ASB18: variants seen among roughly 807,000 people sequenced by gnomAD.
ASB18 encodes the protein ankyrin repeat and SOCS box containing 18, also known as ankyrin repeat and SOCS box protein 18.
ASB18 carries 33 observed loss-of-function variants against 33.4 expected under a neutral mutation model. That is an observed-to-expected ratio of 0.99 (90% CI 0.75 to 1.32). The LOEUF (loss-of-function observed/expected upper bound fraction) is 1.32. ASB18 is among the 40% of genes most tolerant of loss of function. The probability of loss-of-function intolerance (pLI) is 0.00; values close to 1 mark genes in which losing one functional copy is unlikely to be tolerated. For synonymous variants in ASB18, 295 were observed against 307.6 expected, an observed-to-expected ratio of 0.96 and a Z score of 0.43; for missense variants, 694 against 655.5, an observed-to-expected ratio of 1.06 and a Z score of -0.64.
At chr2:236,232,320 T>G (rs1414303071) in intron 3 of ASB18, among the ~76,000 whole-genome samples, 1 of 150,356 alleles carries the variant, frequency 6.7e-6, no homozygotes. Flanking sequence ...AAAACACATA[T>G]TAAAATTTGT....
rs186864417 is a variant in ASB18 at position 236,211,918 on chromosome 2, T to A, written c.1101+2444A>T. On this transcript the variant is annotated intron_variant, in intron 4 of 5. Coordinates refer to ENST00000409749, the MANE Select transcript of ASB18 (RefSeq NM_212556.4). The surrounding 1 kb of genome is among the most constrained non-coding windows in gnomAD (Gnocchi z 5.0). ...GGAATCCCAGTGCAAAAAGGTGGAATCCTTATTTCCAAAGATTTAATGCAG... is the reference window on the plus strand; with the variant it reads ...GGAATCCCAGTGCAAAAAGGTGGAAACCTTATTTCCAAAGATTTAATGCAG... Among the ~76,000 whole-genome samples the A allele has an allele frequency of 6.6e-4, 100 of 152,274 alleles. No homozygotes were observed. Among genetic ancestry groups the A allele is most frequent in the Non-Finnish European group, 4.4e-5 (3 of 68,024 alleles).
In ASB18 at chr2:236,214,393, G is replaced by A. The variant is rs748848119; in HGVS notation, c.1070C>T (p.Ser357Phe). ...GAAGGCGTCGGGCCACACGGTGGGA[G>A]AGCCGTGGTTGAGCAGCGCCTGCAC... is the stretch of plus-strand genomic sequence containing the variant. ...RTVQALLNHG[S>F]PTVWPDAFPK... The change falls in exon 4 of 6, where the codon TCT becomes TTT. Residue 357 changes from serine (S) to phenylalanine (F), a missense_variant. By Grantham distance (155) the Ser-to-Phe change is radical. Transcript: ENST00000409749. This position sits in a 1 kb window ranked among gnomAD's most constrained non-coding sequence, Gnocchi z 6.5. 5.1e-6 allele frequency: 8 copies of A among 1,576,896 alleles called. No homozygotes were observed. The Admixed American group carries it at 5.4e-5, about 11-fold the overall frequency.
chr2:236,259,407 A>T lies in ASB18; in HGVS notation c.205+4734T>A. On this transcript the variant is annotated intron_variant, in intron 1 of 5. Transcript: ENST00000409749. The surrounding 1 kb of genome is among the most constrained non-coding windows in gnomAD (Gnocchi z 4.4). ...AGGTTCTGGCCCTAGAAGAGGTGGCATTCAGGTTTGAATTATCCAGTTGGT... is the reference window on the plus strand; with the variant it reads ...AGGTTCTGGCCCTAGAAGAGGTGGCTTTCAGGTTTGAATTATCCAGTTGGT... 7.1e-6 allele frequency: 3 copies of T among 420,784 alleles called. No homozygotes were observed. Among genetic ancestry groups the T allele is most frequent in the Non-Finnish European group, 1.5e-5 (3 of 198,956 alleles). 26.1% of individuals were successfully genotyped at this position (420,784 alleles called of 1,614,324 possible). A position where few individuals can be genotyped will look rare whatever the true frequency, so the allele number is the denominator to read the frequency against.
chr2:236,237,975 G>T lies in ASB18; in HGVS notation c.329-19C>A. The stretch of plus-strand genomic sequence containing the variant: ...CAGAGGCCTGCGGGGAGGGAGGTGG[G>T]ATGTAAGGTCAGGGGGAGGTTAGTT... On this transcript the variant is annotated intron_variant, in intron 2 of 5. Coordinates refer to ENST00000409749, the MANE Select transcript of ASB18 (RefSeq NM_212556.4). The surrounding 1 kb of genome is among the most constrained non-coding windows in gnomAD (Gnocchi z 6.2). 6.7e-7 allele frequency: 1 copy of T among 1,482,354 alleles called. No homozygotes were observed. The allele number at this position is 1,482,354 out of a possible 1,614,324, so 91.8% of individuals were successfully genotyped here.
intron 3 of ASB18, among the ~76,000 whole-genome samples, chr2:236,233,760 A>C (rs760543989): frequency 1.6e-4 from 24 of 152,214 alleles, no homozygotes; most frequent in Non-Finnish European, 3.2e-4. Context: ...GAAAAGGAAG[A>C]AATAAATAAA....
At chr2:236,240,832 C>A (rs762968472) in intron 2 of ASB18, among the ~76,000 whole-genome samples, 4 of 152,234 alleles carry the variant, frequency 2.6e-5, no homozygotes, top group African/African-American at 9.6e-5. Context: ...TGGGGTCCTG[C>A]CTCTACTGAT....
rs185139086 is a variant in ASB18, at chr2:236,259,673, G to A, written c.205+4468C>T. 145 of 449,126 alleles carry A rather than the reference G, an allele frequency of 3.2e-4. 1 individual carries two copies. The highest frequency in any genetic ancestry group is 2.1e-3 in the Middle Eastern group (6 of 2,798). 27.8% of individuals were successfully genotyped at this position (449,126 alleles called of 1,614,324 possible). A position where few individuals can be genotyped will look rare whatever the true frequency, so the allele number is the denominator to read the frequency against. ...GGATGCTGACTGTAGAGCGTGGGGG[G>A]CTCAGCCTCAGTGAGCCCAGCAGGA... On this transcript the variant is annotated intron_variant, in intron 1 of 5. Transcript: ENST00000409749. This position sits in a 1 kb window ranked among gnomAD's most constrained non-coding sequence, Gnocchi z 4.4.
chr2:236,250,448 C>T lies in ASB18; in HGVS notation c.206-9046G>A, dbSNP rs1323619894. 2.0e-5 allele frequency: 3 copies of T among 152,270 alleles called. No individual in the cohort carries two copies. The highest frequency in any genetic ancestry group is 4.4e-5 in the Non-Finnish European group (3 of 68,054). 9.4% of individuals were successfully genotyped at this position (152,270 alleles called of 1,614,324 possible). ...TTCTGGAAGTGTCCAAGTGGACAGACAGGGGCAGGAAGTCATTACTCTTGT... is the reference window on the plus strand; with the variant it reads ...TTCTGGAAGTGTCCAAGTGGACAGATAGGGGCAGGAAGTCATTACTCTTGT... On this transcript the variant is annotated intron_variant, in intron 1 of 5. Coordinates refer to ENST00000409749, the MANE Select transcript of ASB18 (RefSeq NM_212556.4). The surrounding 1 kb of genome is among the most constrained non-coding windows in gnomAD (Gnocchi z 4.1).
rs1362858799 is a variant in ASB18, at chr2:236,239,147, A to G, written c.329-1191T>C. The stretch of plus-strand genomic sequence containing the variant: ...CTGGAGGGGGTGATGGATGTAGTCT[A>G]TCTACATTGTTATCCCCGTGATAAC... On this transcript the variant is annotated intron_variant, in intron 2 of 5. Coordinates refer to ENST00000409749, the MANE Select transcript of ASB18 (RefSeq NM_212556.4). This position sits in a 1 kb window ranked among gnomAD's most constrained non-coding sequence, Gnocchi z 5.6. 6.6e-6 allele frequency among the ~76,000 whole-genome samples: 1 copy of G among 152,204 alleles called. No individual in the cohort carries two copies. The highest frequency in any genetic ancestry group is 1.5e-5 in the Non-Finnish European group (1 of 68,034).
At chr2:236,202,864 G>A (rs1458493121) in intron 4 of ASB18, among the ~76,000 whole-genome samples, 7 of 148,890 alleles carry the variant, frequency 4.7e-5, no homozygotes, top group African/African-American at 9.9e-5. Context: ...TTTATGTTCC[G>A]GATATGCCAT....
rs965914680 is a variant in ASB18, at chr2:236,204,307, C to A, written c.1102-7922G>T. Reference sequence around the variant, plus strand: ...GCCACGCCTGACATGTTGACGATGTCTTCCACCTCAATGCAGCCTTCACTT... The same window carrying A: ...GCCACGCCTGACATGTTGACGATGTATTCCACCTCAATGCAGCCTTCACTT... On this transcript the variant is annotated intron_variant, in intron 4 of 5. Coordinates refer to ENST00000409749, the MANE Select transcript of ASB18 (RefSeq NM_212556.4). The surrounding 1 kb of genome is among the most constrained non-coding windows in gnomAD (Gnocchi z 5.1). Among the ~76,000 whole-genome samples the A allele has an allele frequency of 2.0e-5, 3 of 152,182 alleles. No homozygotes were observed. The highest frequency in any genetic ancestry group is 1.3e-4 in the Admixed American group (2 of 15,284).
intron 2 of ASB18, among the ~76,000 whole-genome samples, chr2:236,240,155 G>T (rs1576407765): frequency 6.6e-6 from 1 of 152,346 alleles, no homozygotes; most frequent in East Asian, 1.9e-4. Flanking sequence ...TTGTGTGTGT[G>T]TATGTCCAGG....
chr2:236,201,214 T>C (rs531970968), intron 4 of ASB18, among the ~76,000 whole-genome samples: 1 of 152,144 alleles, frequency 6.6e-6, no homozygotes, highest in East Asian at 1.9e-4. Flanking sequence ...TGCAGTGGTG[T>C]GATCATGGCT....
intron 4 of ASB18, among the ~76,000 whole-genome samples, chr2:236,197,198 A>G (rs2060378454): frequency 6.6e-6 from 1 of 152,218 alleles, no homozygotes; most frequent in Non-Finnish European, 1.5e-5. Flanking sequence ...GAAGAAACAA[A>G]GATAATATTA....
At position 236,214,712 on chromosome 2, in the gene ASB18, G is replaced by C; in HGVS notation, c.751C>G (p.Arg251Gly). ...GCCGCGCTCAGAGCCGTCTCTCCGC[G>C]GCCGTTCCTCGCGTCCACGTGCGCC... is the stretch of plus-strand genomic sequence containing the variant. ...RGAHVDARNG[R>G]GETALSAACG... is the part of the protein sequence containing the mutation. The change falls in exon 4 of 6, where the codon CGC (arginine) becomes GGC (glycine). Residue 251 changes from arginine to glycine, a missense_variant. Coordinates refer to ENST00000409749, the MANE Select transcript of ASB18 (RefSeq NM_212556.4). This position sits in a 1 kb window ranked among gnomAD's most constrained non-coding sequence, Gnocchi z 6.5. 8.7e-7 allele frequency: 1 copy of C among 1,154,488 alleles called. No individual in the cohort carries two copies. Among genetic ancestry groups the C allele is most frequent in the South Asian group, 4.1e-5 (1 of 24,436 alleles). 71.5% of individuals were successfully genotyped at this position (1,154,488 alleles called of 1,614,324 possible). A position where few individuals can be genotyped will look rare whatever the true frequency, so the allele number is the denominator to read the frequency against.
In ASB18 at chr2:236,195,081, A is replaced by C; in HGVS notation, c.1216-24T>G. ...ATCTGGAAGGGAAGGCAGGTGGATT[A>C]GAAATCTGGGCACGTGGAACCAACA... On this transcript the variant is annotated intron_variant, in intron 5 of 5. Coordinates refer to ENST00000409749, the MANE Select transcript of ASB18 (RefSeq NM_212556.4). This position sits in a 1 kb window ranked among gnomAD's most constrained non-coding sequence, Gnocchi z 5.5. 6.3e-7 allele frequency: 1 copy of C among 1,597,922 alleles called. No homozygotes were observed. Among genetic ancestry groups the C allele is most frequent in the Non-Finnish European group, 8.5e-7 (1 of 1,170,176 alleles).
Position 236,201,932 on chromosome 2 carries a change from C to T in ASB18, c.1102-5547G>A, listed in dbSNP as rs1576393643. Among the ~76,000 whole-genome samples the T allele has an allele frequency of 1.3e-5, 2 of 151,162 alleles. 1 individual carries two copies. Among genetic ancestry groups the T allele is most frequent in the African/African-American group, 4.9e-5 (2 of 41,116 alleles). The stretch of plus-strand genomic sequence containing the variant: ...GATATAAAAGTACATTTTTTTTTGC[C>T]AGAATTATCTCTGCTCATTCTTTAA... On this transcript the variant is annotated intron_variant, in intron 4 of 5. Coordinates refer to ENST00000409749, the MANE Select transcript of ASB18 (RefSeq NM_212556.4).
chr2:236,253,961 A>G lies in ASB18; in HGVS notation c.205+10180T>C, dbSNP rs2060680801. 1 of 152,270 alleles carries G rather than the reference A, an allele frequency of 6.6e-6. No individual in the cohort carries two copies. Among genetic ancestry groups the G allele is most frequent in the South Asian group, 2.1e-4 (1 of 4,818 alleles). The allele number at this position is 152,270 out of a possible 1,614,324, so 9.4% of individuals were successfully genotyped here. On this transcript the variant is annotated intron_variant, in intron 1 of 5. Transcript: ENST00000409749. This position sits in a 1 kb window ranked among gnomAD's most constrained non-coding sequence, Gnocchi z 5.4. Reference sequence around the variant, plus strand: ...AGGGATGCCAGAGTTAGCTCAGGGTACATCTTTAGGCCTTTGGATGCCTGT... The same window carrying G: ...AGGGATGCCAGAGTTAGCTCAGGGTGCATCTTTAGGCCTTTGGATGCCTGT...
At position 236,237,595 on chromosome 2, in the gene ASB18, G is replaced by A. The variant is rs912335760; in HGVS notation, c.596+94C>T. On this transcript the variant is annotated intron_variant, in intron 3 of 5. Coordinates refer to ENST00000409749, the MANE Select transcript of ASB18 (RefSeq NM_212556.4). The surrounding 1 kb of genome is among the most constrained non-coding windows in gnomAD (Gnocchi z 6.2). Reference sequence around the variant, plus strand: ...TGGGTCCGGAGGCGGGGGCTGGGACGGAGGCGGAGGCGGGGTCGGCGGTCT... The same window carrying A: ...TGGGTCCGGAGGCGGGGGCTGGGACAGAGGCGGAGGCGGGGTCGGCGGTCT... 1.9e-6 allele frequency: 2 copies of A among 1,076,964 alleles called. No individual in the cohort carries two copies. Among genetic ancestry groups the A allele is most frequent in the African/African-American group, 3.4e-5 (2 of 59,378 alleles). The allele number at this position is 1,076,964 out of a possible 1,614,324, so 66.7% of individuals were successfully genotyped here. A position where few individuals can be genotyped will look rare whatever the true frequency, so the allele number is the denominator to read the frequency against.
Sources: allele counts gnomAD v4.1 joint callset (sites outside exome capture counted in the v4.1 genomes callset), GRCh38; gene constraint gnomAD v4.1.1; non-coding constraint Gnocchi (gnomAD v3.1); transcripts MANE v1.5; gene names NCBI Gene and HGNC (gene_info 2026-07-23, HGNC 2026-07-21).